The following SPHKAP variants were observed in gnomAD, a reference collection of about 807,000 sequenced individuals.
The protein encoded by SPHKAP is SPHK1 interactor, AKAP domain containing.
SPHKAP carries 67 observed loss-of-function variants against 137.5 expected under a neutral mutation model. That is an observed-to-expected ratio of 0.49 (90% CI 0.40 to 0.60). The LOEUF is 0.60. SPHKAP is among the 20% of genes least tolerant of loss of function. SPHKAP has a pLI of 0.00. For missense variants in SPHKAP, 2,097 were observed against 2,069.3 expected (o/e 1.01, Z -0.26); for synonymous variants, 813 against 785.3 (o/e 1.04, Z -0.59).
At chr2:228,054,291 TA>T (rs1193057345) in intron 3 of SPHKAP, among the ~76,000 whole-genome samples, 1 of 152,096 alleles carries the variant, frequency 6.6e-6, no homozygotes, top group Non-Finnish European at 1.5e-5. Flanking sequence ...TCCCTTTAGA[TA>T]AAGTGCATAT....
intron 7 of SPHKAP, among the ~76,000 whole-genome samples, chr2:228,009,158 GT>G (rs201152283): frequency 2.0e-5 from 3 of 152,236 alleles, no homozygotes. Flanking sequence ...TAGGCTGACA[GT>G]TTTTTTCTCC....
At chr2:228,025,565 C>T in intron 4 of SPHKAP, 37 bp from the exon 5 acceptor site, 2 of 1,610,060 alleles carry the variant, frequency 1.2e-6, no homozygotes. Context: ...TAGCTGATTT[C>T]TTTTCACCAA....
intron 2 of SPHKAP, among the ~76,000 whole-genome samples, chr2:228,118,239 A>C (rs574779285): frequency 1.9e-5 from 2 of 104,118 alleles, no homozygotes; most frequent in Admixed American, 2.2e-4. Flanking sequence ...GGAGATACAC[A>C]GTTTTTTTTT....
intron 3 of SPHKAP, among the ~76,000 whole-genome samples, chr2:228,079,326 A>G (rs979743987): frequency 6.6e-6 from 1 of 152,182 alleles, no homozygotes; most frequent in Non-Finnish European, 1.5e-5. Context: ...CTCCTGTTGC[A>G]TGGCCTGGTT....
rs1355334824 is a variant in SPHKAP, at chr2:227,980,679, C to G, written c.*1038G>C. 1 of 152,130 alleles carries G rather than the reference C, an allele frequency of 6.6e-6. No homozygotes were observed. The highest frequency in any genetic ancestry group is 1.9e-4 in the East Asian group (1 of 5,188). The allele number at this position is 152,130 out of a possible 1,614,324, so 9.4% of individuals were successfully genotyped here. ...CTAACTGATCATGTCAAACACAAGACCATTACCCTGCTTCTGTCATTATAA... is the reference window on the plus strand; with the variant it reads ...CTAACTGATCATGTCAAACACAAGAGCATTACCCTGCTTCTGTCATTATAA... On this transcript the variant is annotated 3_prime_UTR_variant, in exon 12 of 12. Transcript: ENST00000392056.
intron 3 of SPHKAP, among the ~76,000 whole-genome samples, chr2:228,092,370 CAT>C (rs1697801767): frequency 7.2e-6 from 1 of 138,944 alleles, no homozygotes; most frequent in African/African-American, 2.7e-5. Flanking sequence ...CACACATATA[CAT>C]ACAGATATAC....
At chr2:228,124,504 G>A (rs945519046) in intron 2 of SPHKAP, among the ~76,000 whole-genome samples, 3 of 148,652 alleles carry the variant, frequency 2.0e-5, no homozygotes, top group East Asian at 4.1e-4. Flanking sequence ...AACACCACAC[G>A]TTCTCACTCA....
chr2:228,113,270 A>C (rs1276817853), intron 2 of SPHKAP, among the ~76,000 whole-genome samples: 4 of 152,256 alleles, frequency 2.6e-5, no homozygotes, highest in Non-Finnish European at 5.9e-5. Context: ...ATAGTAGTAC[A>C]TTTATTGAGA....
intron 3 of SPHKAP, among the ~76,000 whole-genome samples, chr2:228,104,629 A>G (rs1295995787): frequency 6.6e-6 from 1 of 152,070 alleles, no homozygotes; most frequent in African/African-American, 2.4e-5. Context: ...GTTTTGCAAT[A>G]TCATGTGAGG....
At chr2:228,126,990 A>C (rs1018679956) in intron 2 of SPHKAP, among the ~76,000 whole-genome samples, 2 of 152,204 alleles carry the variant, frequency 1.3e-5, no homozygotes, top group African/African-American at 4.8e-5. Flanking sequence ...TATTTCTCTC[A>C]CCAGTTAATT....
rs139466598 is a variant in SPHKAP, at chr2:228,014,747, A to G, written c.4448+1659T>C. On this transcript the variant is annotated intron_variant, in intron 7 of 11. Transcript: ENST00000392056. ...CTGGTGGAAGTGGAAAAGTATCAAG[A>G]ATTTTCAGAAAGCTGCTGAAATTTG... Among the ~76,000 whole-genome samples, 612 of 152,294 alleles carry G rather than the reference A, an allele frequency of 4.0e-3. 5 individuals carry two copies. Among genetic ancestry groups the G allele is most frequent in the African/African-American group, 0.014 (573 of 41,560 alleles).
chr2:228,083,439 G>A (rs1414089692), intron 3 of SPHKAP, among the ~76,000 whole-genome samples: 1 of 152,138 alleles, frequency 6.6e-6, no homozygotes, highest in African/African-American at 2.4e-5. Flanking sequence ...GATGACCGGT[G>A]TTGATAAGCT....
Position 228,041,516 on chromosome 2 carries a change from G to A in SPHKAP, c.247-13973C>T, listed in dbSNP as rs571183432. 3.2e-4 allele frequency among the ~76,000 whole-genome samples: 48 copies of A among 151,804 alleles called. 1 individual carries two copies. In the South Asian group the frequency reaches 8.3e-3, roughly 26 times the overall value. On this transcript the variant is annotated intron_variant, in intron 3 of 11. Coordinates refer to ENST00000392056, the MANE Select transcript of SPHKAP (RefSeq NM_001142644.2). ...AAAAATTAGCCAGGCGTGGTGGTGC[G>A]TGCCTGTAGTCCAGCTACTCAGGAG... is the stretch of plus-strand genomic sequence containing the variant.
At chr2:228,154,418 C>A (rs929258476) in intron 1 of SPHKAP, among the ~76,000 whole-genome samples, 3 of 141,950 alleles carry the variant, frequency 2.1e-5, no homozygotes, top group Admixed American at 1.5e-4. Flanking sequence ...TTGGACAGCA[C>A]TTTAGAACTT....
In SPHKAP at chr2:228,079,818, C is replaced by G. The variant is rs1163593425; in HGVS notation, c.246+29014G>C. Among the ~76,000 whole-genome samples, 3 of 152,208 alleles carry G rather than the reference C, an allele frequency of 2.0e-5. No individual in the cohort carries two copies. The East Asian group carries it at 5.8e-4, about 29-fold the overall frequency. ...AGTGGATCCTGGCCTCTGGCCCATC[C>G]TTATGGACCCAGGCTCAAGGCCTAC... On this transcript the variant is annotated intron_variant, in intron 3 of 11. Coordinates refer to ENST00000392056, the MANE Select transcript of SPHKAP (RefSeq NM_001142644.2).
At chr2:227,988,865 A>T (rs572010380) in intron 11 of SPHKAP, among the ~76,000 whole-genome samples, 41 of 152,322 alleles carry the variant, frequency 2.7e-4, no homozygotes, top group African/African-American at 9.9e-4. Flanking sequence ...TCAAATAGTG[A>T]ACCGCTCAAC....
At chr2:228,159,152 A>T (rs1490977103) in intron 1 of SPHKAP, among the ~76,000 whole-genome samples, 1 of 152,174 alleles carries the variant, frequency 6.6e-6, no homozygotes, top group Non-Finnish European at 1.5e-5. Context: ...ACCAACTCAG[A>T]CACTGTCCAG....
rs140798072 is a variant in SPHKAP, at chr2:228,054,733, A to G, written c.247-27190T>C. On this transcript the variant is annotated intron_variant, in intron 3 of 11. Transcript: ENST00000392056. Reference sequence around the variant, plus strand: ...GTTAAGAGCTTATCTGCTGATAGAAAAGCAAATGGAGGCTTTGAACTATTA... The same window carrying G: ...GTTAAGAGCTTATCTGCTGATAGAAGAGCAAATGGAGGCTTTGAACTATTA... Among the ~76,000 whole-genome samples the G allele has an allele frequency of 5.9e-5, 9 of 152,240 alleles. No individual in the cohort carries two copies. In the East Asian group the frequency reaches 1.5e-3, roughly 26 times the overall value.
chr2:228,068,844 T>TG, intron 3 of SPHKAP, among the ~76,000 whole-genome samples: 1 of 152,326 alleles, frequency 6.6e-6, no homozygotes, highest in Middle Eastern at 3.4e-3. Context: ...GCTCATCTCC[T>TG]GAAATATTTA....
Sources: gnomAD v4.1 joint callset for allele counts (sites outside exome capture counted in the v4.1 genomes callset) on GRCh38, gnomAD v4.1.1 for gene constraint, MANE v1.5 for transcripts, NCBI Gene and HGNC (gene_info 2026-07-23, HGNC 2026-07-21) for gene names.